The following PPP1R9A variants were observed in gnomAD, a reference collection of about 807,000 sequenced individuals.
The protein encoded by PPP1R9A is protein phosphatase 1 regulatory subunit 9A, also known as neurabin-1.
Under a neutral mutation model 141.9 loss-of-function variants are expected in PPP1R9A, and 59 were observed. The ratio of observed to expected loss-of-function variants is 0.42; its 90% CI spans 0.34 to 0.52. The LOEUF is 0.52. Ranked by LOEUF, PPP1R9A falls within the 20% of genes least tolerant of loss-of-function variation. PPP1R9A has a pLI of 0.10. For synonymous variants in PPP1R9A, 500 were observed against 569.7 expected (o/e 0.88, Z 1.74); for missense variants, 1,444 against 1,611.9 (o/e 0.90, Z 1.78).
intron 12 of PPP1R9A, among the ~76,000 whole-genome samples, chr7:95,266,000 C>A (rs1035443747): frequency 6.6e-6 from 1 of 152,096 alleles, no homozygotes; most frequent in South Asian, 2.1e-4. Flanking sequence ...AAGCACCAGG[C>A]AAATTATTGA....
intron 2 of PPP1R9A, among the ~76,000 whole-genome samples, chr7:95,003,955 G>T (rs1192666054): frequency 1.3e-5 from 2 of 152,172 alleles, no homozygotes; most frequent in African/African-American, 4.8e-5. Context: ...GGGAGCAGGT[G>T]AAGGCTTGGA....
intron 2 of PPP1R9A, among the ~76,000 whole-genome samples, chr7:94,922,968 G>A (rs1793032205): frequency 6.6e-6 from 1 of 152,062 alleles, no homozygotes; most frequent in Non-Finnish European, 1.5e-5. Flanking sequence ...ACTTTTATTT[G>A]GAGGACAACA....
At chr7:95,248,833 T>A (rs1056373267) in intron 9 of PPP1R9A, among the ~76,000 whole-genome samples, 4 of 152,206 alleles carry the variant, frequency 2.6e-5, no homozygotes, top group Non-Finnish European at 4.4e-5. Flanking sequence ...TTGTTTTGGA[T>A]GCTTTCTAAC....
At chr7:95,119,384 C>G (rs1012534478) in intron 3 of PPP1R9A, among the ~76,000 whole-genome samples, 2 of 151,910 alleles carry the variant, frequency 1.3e-5, no homozygotes, top group African/African-American at 2.4e-5. Context: ...ATTATGATAC[C>G]ATCTCACCAT....
Position 95,288,560 on chromosome 7 carries a change from A to G in PPP1R9A, c.3754A>G (p.Lys1252Glu). 1 of 1,614,072 alleles carries G rather than the reference A, an allele frequency of 6.2e-7. No homozygotes were observed. The highest frequency in any genetic ancestry group is 2.2e-5 in the East Asian group (1 of 44,870). ...DEILDDGQSPKHSQCQNRAVQ... is the reference protein window; with the variant it reads ...DEILDDGQSPEHSQCQNRAVQ... ...GATCCTTGATGATGGACAGTCTCCC[A>G]AACACAGTCAGTGTCAGAATCGGGC... The change falls in exon 19 of 20, where the codon AAA becomes GAA. Residue 1252 changes from lysine to glutamate, a missense_variant. Around this residue, in one of 5 missense-constraint regions of PPP1R9A, gnomAD observed 459 missense variants for 513.8 expected, o/e 0.89. Transcript: ENST00000433360.
chr7:94,969,013 A>C (rs1054923776), intron 2 of PPP1R9A, among the ~76,000 whole-genome samples: 3 of 151,902 alleles, frequency 2.0e-5, no homozygotes, highest in African/African-American at 7.3e-5. Context: ...GTTCCTCTCT[A>C]AACTGGTTAT....
At chr7:95,213,889 C>G (rs1429985257) in intron 7 of PPP1R9A, among the ~76,000 whole-genome samples, 2 of 152,140 alleles carry the variant, frequency 1.3e-5, no homozygotes, top group African/African-American at 2.4e-5. Flanking sequence ...GCCAGATCAC[C>G]CTGTTCACAA....
intron 7 of PPP1R9A, among the ~76,000 whole-genome samples, chr7:95,213,085 G>A (rs1319188860): frequency 3.3e-5 from 5 of 151,752 alleles, no homozygotes; most frequent in Non-Finnish European, 5.9e-5. Flanking sequence ...GAGGGTGGAC[G>A]TTGTTTGGAG....
intron 2 of PPP1R9A, among the ~76,000 whole-genome samples, chr7:95,065,581 T>A (rs1024059204): frequency 1.3e-5 from 2 of 152,296 alleles, no homozygotes; most frequent in East Asian, 3.9e-4. Flanking sequence ...GAAAATGGAA[T>A]TGTCTGTTGT....
At chr7:95,156,613 C>G (rs1829654772) in intron 4 of PPP1R9A, 1 of 152,276 alleles carries the variant, frequency 6.6e-6, no homozygotes, top group African/African-American at 2.4e-5. Context: ...GAGGGTAGCT[C>G]CTTTCCACAG....
At chr7:94,966,845 G>A (rs748733581) in intron 2 of PPP1R9A, among the ~76,000 whole-genome samples, 2 of 152,158 alleles carry the variant, frequency 1.3e-5, no homozygotes, top group African/African-American at 2.4e-5. Context: ...GAGTTTGGGA[G>A]GAGTCCCTCT....
At chr7:95,203,161 C>CT (rs928589234) in intron 6 of PPP1R9A, among the ~76,000 whole-genome samples, 4 of 150,920 alleles carry the variant, frequency 2.7e-5, no homozygotes, top group Non-Finnish European at 3.0e-5. Flanking sequence ...ATTATAGCAA[C>CT]TTTTTTTTTA....
At chr7:95,172,963 T>C (rs1832352415) in intron 5 of PPP1R9A, among the ~76,000 whole-genome samples, 1 of 151,816 alleles carries the variant, frequency 6.6e-6, no homozygotes, top group Non-Finnish European at 1.5e-5. Context: ...GAGGAAATTA[T>C]AGTTAACTCA....
intron 4 of PPP1R9A, among the ~76,000 whole-genome samples, chr7:95,144,238 C>T (rs974570362): frequency 2.6e-5 from 4 of 152,118 alleles, no homozygotes; most frequent in Non-Finnish European, 4.4e-5. Context: ...TATATGAGAT[C>T]ATGCAGAATT....
At chr7:95,133,487 C>T (rs1050980703) in intron 4 of PPP1R9A, among the ~76,000 whole-genome samples, 6 of 139,444 alleles carry the variant, frequency 4.3e-5, no homozygotes, top group African/African-American at 1.3e-4. Flanking sequence ...TTATAATAGA[C>T]TTTAAGGATA....
At chr7:95,112,796 T>C (rs897661483) in intron 3 of PPP1R9A, among the ~76,000 whole-genome samples, 4 of 152,038 alleles carry the variant, frequency 2.6e-5, no homozygotes, top group African/African-American at 7.3e-5. Flanking sequence ...CTGGAGGCCA[T>C]TATCCCTACA....
chr7:95,164,635 AG>A (rs1830916378), intron 5 of PPP1R9A, among the ~76,000 whole-genome samples: 1 of 151,554 alleles, frequency 6.6e-6, no homozygotes, highest in African/African-American at 2.4e-5. Context: ...CATATCCTCT[AG>A]AATCTTATTT....
At chr7:95,082,766 C>CTTTTT (rs1159814204) in intron 2 of PPP1R9A, among the ~76,000 whole-genome samples, 1 of 109,516 alleles carries the variant, frequency 9.1e-6, no homozygotes, top group Non-Finnish European at 1.7e-5. Flanking sequence ...GAAGGGATTT[C>CTTTTT]TTTTTTTTTT....
In PPP1R9A at chr7:95,247,734, G is replaced by GAT. The variant is rs144896195; in HGVS notation, c.2166+217_2166+218dup. On this transcript the variant is annotated intron_variant, in intron 9 of 19. Coordinates refer to ENST00000433360, the MANE Select transcript of PPP1R9A (RefSeq NM_001166160.2). ...TCAGTGCAAATAACACAATATTTTA[G>GAT]ATATATATATTTATGTATTTGCACA... 1.0e-2 allele frequency among the ~76,000 whole-genome samples: 1,517 copies of GAT among 152,082 alleles called. 37 individuals are homozygous for GAT. Among genetic ancestry groups the GAT allele is most frequent in the African/African-American group, 0.035 (1,462 of 41,484 alleles).
Sources: gnomAD v4.1 joint callset for allele counts (sites outside exome capture counted in the v4.1 genomes callset) on GRCh38, gnomAD v4.1.1 for gene constraint, gnomAD v4.1.1 regional missense constraint, MANE v1.5 for transcripts, NCBI Gene and HGNC (gene_info 2026-07-23, HGNC 2026-07-21) for gene names.